Variants in FAT2 observed in about 807,000 individuals in gnomAD.
The protein encoded by FAT2 is FAT atypical cadherin 2.
In FAT2, 150 loss-of-function variants were observed where a neutral mutation model predicts 295.3. The observed-to-expected ratio is 0.51, with a 90% CI of 0.44 to 0.58. The LOEUF (loss-of-function observed/expected upper bound fraction) is 0.58, where lower values mean the gene tolerates loss of function less well. Among genes scored for constraint, FAT2 ranks in the 20% least tolerant of loss-of-function variants. The probability of loss-of-function intolerance (pLI) is 0.00; values close to 1 mark genes in which losing one functional copy is unlikely to be tolerated. For missense variants in FAT2, 4,868 were observed against 5,442.7 expected, an observed-to-expected ratio of 0.89 and a Z score of 3.32; for synonymous variants, 2,026 against 2,150.3, an observed-to-expected ratio of 0.94 and a Z score of 1.60.
At position 151,566,228 on chromosome 5, in the gene FAT2, C is replaced by T; in HGVS notation, c.2704G>A (p.Gly902Ser). The change falls in exon 2 of 24, where the codon GGC becomes AGC. Residue 902 changes from glycine to serine, a missense_variant. By Grantham distance (56) the Gly-to-Ser change is moderately conservative (BLOSUM62 0). Transcript: ENST00000261800. ...TCAGTGACAGAGAAGAGCTGGTGGC[C>T]TTTGCTGGGCTGATCCCTGGCCTCC... Reference protein sequence around the residue: ...KVEARDQPSKGHQLFSVTDLI... With the variant: ...KVEARDQPSKSHQLFSVTDLI... 1 of 1,614,098 alleles carries T rather than the reference C, an allele frequency of 6.2e-7. No individual in the cohort carries two copies. Among genetic ancestry groups the T allele is most frequent in the Non-Finnish European group, 8.5e-7 (1 of 1,180,030 alleles).
In FAT2 at chr5:151,525,946, C is replaced by T. The variant is rs766740854; in HGVS notation, c.10328G>A (p.Ser3443Asn). 6.2e-7 allele frequency: 1 copy of T among 1,614,132 alleles called. No individual in the cohort carries two copies. The highest frequency in any genetic ancestry group is 8.5e-7 in the Non-Finnish European group (1 of 1,180,026). The change falls in exon 18 of 24, where the codon AGC (serine) becomes AAC (asparagine). Residue 3443 changes from serine (S) to asparagine (N), a missense_variant. Ser to Asn is a conservative substitution (Grantham distance 46, BLOSUM62 1). Transcript: ENST00000261800. ...TTVQENSPIG[S>N]KVLQLILSDP... is the part of the protein sequence containing the mutation. ...ACTCAGGATCAGCTGCAGGACTTTG[C>T]TGCCAATGGGGGAGTTCTCCTGAGA...
intron 3 of FAT2, among the ~76,000 whole-genome samples, chr5:151,561,011 T>A (rs879567287): frequency 2.6e-5 from 4 of 152,190 alleles, no homozygotes; most frequent in Non-Finnish European, 4.4e-5. Flanking sequence ...GGGATAACTT[T>A]GAAGTCTAGT....
At chr5:151,526,775 TTTTATTCACTCCC>T (rs1754051631) in intron 17 of FAT2, among the ~76,000 whole-genome samples, 1 of 152,158 alleles carries the variant, frequency 6.6e-6, no homozygotes, top group Admixed American at 6.5e-5. Flanking sequence ...AACTCTGCCT[TTTTATTCACTCCC>T]TCACCTCCCT....
At position 151,507,260 on chromosome 5, in the gene FAT2, T is replaced by A; in HGVS notation, c.12411A>T (p.Gln4137His). The A allele has an allele frequency of 6.2e-7, 1 of 1,614,110 alleles. No individual in the cohort carries two copies. Among genetic ancestry groups the A allele is most frequent in the Non-Finnish European group, 8.5e-7 (1 of 1,180,016 alleles). Residue 4137 changes from glutamine to histidine, a missense_variant, in exon 23 of 24, where the codon CAA becomes CAT. By Grantham distance (24) the Gln-to-His change is conservative (BLOSUM62 0). Transcript: ENST00000261800. ...GGGGCACACTGCAGACCACTGGCCG[T>A]TGCTTAGAATTGGGTCCAAATGTGA... ...ELVTFGPNSK[Q>H]RPVVCSVPPR... is the part of the protein sequence containing the mutation.
chr5:151,568,181 T>C lies in FAT2; in HGVS notation c.751A>G (p.Arg251Gly). The change falls in exon 2 of 24, where the codon AGG (arginine) becomes GGG (glycine). Residue 251 changes from arginine (R) to glycine (G), a missense_variant. Transcript: ENST00000261800. ...ACCGAAGCAATGGCTGGGGGCTTCC[T>C]GAGGGCAGGCTCCACATGAACCACA... ...ALVVHVEPAL[R>G]KPPAIASVVV... The C allele has an allele frequency of 1.2e-6, 2 of 1,614,056 alleles. No individual in the cohort carries two copies. Among genetic ancestry groups the C allele is most frequent in the East Asian group, 2.2e-5 (1 of 44,886 alleles).
chr5:151,583,257 G>A (rs1759033756), intron 1 of FAT2, among the ~76,000 whole-genome samples: 1 of 152,142 alleles, frequency 6.6e-6, no homozygotes, highest in Non-Finnish European at 1.5e-5. Context: ...ACTATTCAAA[G>A]CAGCACTAGT....
At chr5:151,554,111 C>A (rs1174830566) in intron 5 of FAT2, among the ~76,000 whole-genome samples, 2 of 152,224 alleles carry the variant, frequency 1.3e-5, no homozygotes, top group African/African-American at 4.8e-5. Flanking sequence ...GCCCCTGTTA[C>A]TCTCACTAAA....
At position 151,544,295 on chromosome 5, in the gene FAT2, T is replaced by A. The variant is rs1434629094; in HGVS notation, c.6832A>T (p.Thr2278Ser). The change falls in exon 10 of 24, where the codon ACC becomes TCC. Residue 2278 changes from threonine (T) to serine (S), a missense_variant. Thr to Ser is a moderately conservative substitution (Grantham distance 58). This residue lies in a region of FAT2 where 3,297 missense variants were observed against 3,669.4 expected (regional missense o/e 0.90). Transcript: ENST00000261800. ...GGCAAGCCTTCTGAGATGGAAGTGG[T>A]ATAGACCAATTGGGAAAAAGTGGGA... Reference protein sequence around the residue: ...NPPTFSQLVYTTSISEGLPAQ... With the variant: ...NPPTFSQLVYSTSISEGLPAQ... 3 of 1,614,026 alleles carry A rather than the reference T, an allele frequency of 1.9e-6. No individual in the cohort carries two copies. Among genetic ancestry groups the A allele is most frequent in the Non-Finnish European group, 2.5e-6 (3 of 1,180,024 alleles).
In FAT2 at chr5:151,566,595, G is replaced by A. The variant is rs2127646393; in HGVS notation, c.2337C>T (p.Asp779=). The A allele has an allele frequency of 1.2e-6, 2 of 1,614,178 alleles. No individual in the cohort carries two copies. The highest frequency in any genetic ancestry group is 1.7e-6 in the Non-Finnish European group (2 of 1,180,038). Residue 779 remains aspartate, a synonymous_variant, in exon 2 of 24, where the codon GAC becomes GAT. Coordinates refer to ENST00000261800, the MANE Select transcript of FAT2 (RefSeq NM_001447.3). ...TGLLTVAAPL[D]YEATNFYILN... is the part of the protein sequence containing the mutation. ...GGATGTAGAAATTGGTGGCTTCATA[G>A]TCCAAGGGAGCAGCTACAGTGAGCA...
chr5:151,527,551 G>A (rs1754149010), intron 16 of FAT2, among the ~76,000 whole-genome samples, 174 bp from the exon 17 acceptor site: 2 of 152,074 alleles, frequency 1.3e-5, no homozygotes, highest in Non-Finnish European at 2.9e-5. Flanking sequence ...GACAGAAATA[G>A]GTGTGATTCC....
At chr5:151,563,174 AC>A (rs1406698745) in intron 3 of FAT2, 150 bp downstream of exon 3, 10 of 694,908 alleles carry the variant, frequency 1.4e-5, no homozygotes, top group African/African-American at 1.3e-4. Context: ...GCTGGGCCTC[AC>A]CCTCGAAATT....
chr5:151,524,078 A>G (rs1190145259), intron 18 of FAT2, among the ~76,000 whole-genome samples: 2 of 152,120 alleles, frequency 1.3e-5, no homozygotes, highest in African/African-American at 2.4e-5. Context: ...TCCAGCTTGG[A>G]TGACTTCTCA....
upstream of FAT2, among the ~76,000 whole-genome samples, chr5:151,593,099 C>T (rs1200563141): frequency 6.6e-6 from 1 of 152,172 alleles, no homozygotes; most frequent in Middle Eastern, 3.2e-3. Context: ...ATGAGAGGCC[C>T]AGGGAGTTGC....
At chr5:151,549,920 T>C (rs1412993428) in intron 8 of FAT2, among the ~76,000 whole-genome samples, 6 of 152,212 alleles carry the variant, frequency 3.9e-5, no homozygotes, top group African/African-American at 1.4e-4. Flanking sequence ...GAGCCTTGAA[T>C]ACGTATTATA....
intron 20 of FAT2, among the ~76,000 whole-genome samples, chr5:151,513,553 G>A (rs1485148883): frequency 1.3e-5 from 2 of 152,156 alleles, no homozygotes; most frequent in African/African-American, 4.8e-5. Context: ...TGAGTACACA[G>A]GGACGCAAAG....
Position 151,512,370 on chromosome 5 carries a change from A to AGG in FAT2, c.11699_11700insCC (p.Ser3901LeufsTer24). ...AGCCCTGGGAGACATTCGAGGAAGA[A>AGG]TGCAACAGAATGAGGCCGCCCAGCA... On this transcript the variant is annotated frameshift_variant, in exon 21 of 24. Transcript: ENST00000261800. LOFTEE classifies it high-confidence loss of function. The surrounding 1 kb of genome is among the most constrained non-coding windows in gnomAD (Gnocchi z 4.1). 1 of 1,614,236 alleles carries AGG rather than the reference A, an allele frequency of 6.2e-7. No individual in the cohort carries two copies. The highest frequency in any genetic ancestry group is 8.5e-7 in the Non-Finnish European group (1 of 1,180,028).
chr5:151,537,980 TG>T (rs1561843301), intron 11 of FAT2, 34 bp from the exon 12 acceptor site: 5 of 1,603,796 alleles, frequency 3.1e-6, no homozygotes, highest in South Asian at 1.1e-5. Flanking sequence ...AGGGAGACTG[TG>T]GGGACTGCAT....
At chr5:151,537,420 AAGGAAAGGAG>A (rs746412802) in intron 12 of FAT2, among the ~76,000 whole-genome samples, 41 of 121,268 alleles carry the variant, frequency 3.4e-4, no homozygotes, top group Non-Finnish European at 3.8e-4. Context: ...AAAAGGAAAA[AAGGAAAGGAG>A]AGGAAAGGAG....
rs749316040 is a variant in FAT2 at position 151,505,411 on chromosome 5, G to A, written c.*154C>T. ...CCTCCACCCTCAGGGACTAGGTGGG[G>A]GATTGGAAGAGCACATTTCAAGGGA... is the stretch of plus-strand genomic sequence containing the variant. On this transcript the variant is annotated 3_prime_UTR_variant, in exon 24 of 24. Transcript: ENST00000261800. The A allele has an allele frequency of 1.0e-5, 9 of 867,092 alleles. No individual in the cohort carries two copies. Among genetic ancestry groups the A allele is most frequent in the Non-Finnish European group, 1.6e-5 (9 of 563,156 alleles). 53.7% of individuals were successfully genotyped at this position (867,092 alleles called of 1,614,324 possible). A position where few individuals can be genotyped will look rare whatever the true frequency, so the allele number is the denominator to read the frequency against.
Sources: allele counts gnomAD v4.1 joint callset (sites outside exome capture counted in the v4.1 genomes callset), GRCh38; gene constraint gnomAD v4.1.1; regional missense constraint gnomAD v4.1.1; non-coding constraint Gnocchi (gnomAD v3.1); transcripts MANE v1.5; gene names NCBI Gene and HGNC (gene_info 2026-07-23, HGNC 2026-07-21).